Variants in ANHX observed in about 807,000 individuals in gnomAD.
ANHX encodes the protein anomalous homeobox protein.
ANHX carries 20 observed loss-of-function variants against 38.9 expected under a neutral mutation model. That is an observed-to-expected ratio of 0.51 (90% CI 0.36 to 0.75). The LOEUF (loss-of-function observed/expected upper bound fraction) is 0.75, where lower values mean the gene tolerates loss of function less well. Among genes scored for constraint, ANHX ranks in the 30% least tolerant of loss-of-function variants. The probability of loss-of-function intolerance (pLI) is 0.00; values close to 1 mark genes in which losing one functional copy is unlikely to be tolerated. For synonymous variants in ANHX, 185 were observed against 203.1 expected, an observed-to-expected ratio of 0.91 and a Z score of 0.76; for missense variants, 475 against 493.1, an observed-to-expected ratio of 0.96 and a Z score of 0.35.
At chr12:133,225,442 T>C (rs1186011294) in intron 7 of ANHX, among the ~76,000 whole-genome samples, 94 bp downstream of exon 7, 7 of 152,242 alleles carry the variant, frequency 4.6e-5, no homozygotes, top group Non-Finnish European at 1.0e-4. Flanking sequence ...GTTCAAGCCG[T>C]GTGGCCCTAC....
In ANHX at chr12:133,218,876, G is replaced by A. The variant is rs1957070311; in HGVS notation, c.*9C>T. On this transcript the variant is annotated 3_prime_UTR_variant, in exon 10 of 10. Coordinates refer to ENST00000545940, the MANE Select transcript of ANHX (RefSeq NM_001372060.1). ...CCTCCTGGGGTGCTGTCTGGCTCCTGGGGATAGCTCAGCCCAGGCTGCTCC... is the reference window on the plus strand; with the variant it reads ...CCTCCTGGGGTGCTGTCTGGCTCCTAGGGATAGCTCAGCCCAGGCTGCTCC... 2 of 1,500,112 alleles carry A rather than the reference G, an allele frequency of 1.3e-6. No individual in the cohort carries two copies. The highest frequency in any genetic ancestry group is 1.8e-6 in the Non-Finnish European group (2 of 1,124,326). 92.9% of individuals were successfully genotyped at this position (1,500,112 alleles called of 1,614,324 possible).
At chr12:133,225,310 T>TACACAC (rs555238401) in intron 7 of ANHX, among the ~76,000 whole-genome samples, 49 of 143,902 alleles carry the variant, frequency 3.4e-4, no homozygotes, top group African/African-American at 5.3e-4. Flanking sequence ...GTGATATGCA[T>TACACAC]ACATACACAC....
Position 133,221,401 on chromosome 12 carries a change from G to A in ANHX, c.1133-49C>T. On this transcript the variant is annotated intron_variant, in intron 7 of 9. Transcript: ENST00000545940. This position sits in a 1 kb window ranked among gnomAD's most constrained non-coding sequence, Gnocchi z 4.1. ...CACACTGGCAGGAGAAAGGAGCAGA[G>A]CCCACGTGTGACACAACCAAGACCT... The A allele has an allele frequency of 1.3e-6, 2 of 1,501,694 alleles. No homozygotes were observed. The highest frequency in any genetic ancestry group is 2.1e-5 in the Admixed American group (1 of 48,090). The allele number at this position is 1,501,694 out of a possible 1,614,324, so 93.0% of individuals were successfully genotyped here.
intron 3 of ANHX, among the ~76,000 whole-genome samples, chr12:133,228,296 G>A (rs949528561): frequency 2.6e-5 from 4 of 151,984 alleles, no homozygotes; most frequent in African/African-American, 4.8e-5. Flanking sequence ...AGCCTTCCTC[G>A]TACTCACACA....
intron 3 of ANHX, among the ~76,000 whole-genome samples, chr12:133,228,421 T>C (rs886107898): frequency 2.6e-5 from 4 of 152,160 alleles, no homozygotes; most frequent in Non-Finnish European, 5.9e-5. Context: ...GTGCTTTCTG[T>C]TCATCGCTGG....
chr12:133,235,001 T>C (rs946938488), intron 1 of ANHX: 1 of 152,534 alleles, frequency 6.6e-6, no homozygotes, highest in African/African-American at 2.4e-5. Context: ...CAAACTGCTT[T>C]CCAAAAGGTT....
At chr12:133,229,962 C>T (rs1957245370) in intron 3 of ANHX, among the ~76,000 whole-genome samples, 2 of 152,220 alleles carry the variant, frequency 1.3e-5, no homozygotes, top group African/African-American at 4.8e-5. Context: ...GAAACTTCTG[C>T]TCACATGGCT....
intron 8 of ANHX, among the ~76,000 whole-genome samples, 198 bp from the exon 9 acceptor site, chr12:133,219,565 C>T (rs763180521): frequency 7.2e-5 from 11 of 152,026 alleles, no homozygotes; most frequent in Non-Finnish European, 1.5e-4. Flanking sequence ...CAGGGTCACC[C>T]GGTGGGTCAT....
chr12:133,224,253 G>A (rs1408754434), intron 7 of ANHX, among the ~76,000 whole-genome samples: 1 of 151,256 alleles, frequency 6.6e-6, no homozygotes, highest in African/African-American at 2.5e-5. Flanking sequence ...GCTGGAAGAT[G>A]TTAAAAATGT....
chr12:133,229,896 C>A (rs189571133), intron 3 of ANHX, among the ~76,000 whole-genome samples: 62 of 152,242 alleles, frequency 4.1e-4, no homozygotes, highest in African/African-American at 1.4e-3. Flanking sequence ...TTCCCATCTG[C>A]CCCTGAACAC....
chr12:133,227,026 G>T lies in ANHX; in HGVS notation c.628C>A (p.Pro210Thr). ...KPAQQATAED[P>T]GARERGPDLL... ...TCAGGACCCCTCTCCCTCGCACCAG[G>T]GTCTTCAGCTGTGGCCTGCTGGGCT... The change falls in exon 5 of 10, where the codon CCT (proline) becomes ACT (threonine). Residue 210 changes from proline (P) to threonine (T), a missense_variant. Pro to Thr is a conservative substitution (Grantham distance 38). Coordinates refer to ENST00000545940, the MANE Select transcript of ANHX (RefSeq NM_001372060.1). 1 of 1,535,906 alleles carries T rather than the reference G, an allele frequency of 6.5e-7. No individual in the cohort carries two copies. The highest frequency in any genetic ancestry group is 8.7e-7 in the Non-Finnish European group (1 of 1,146,780).
At position 133,218,766 on chromosome 12, in the gene ANHX, G is replaced by C. The variant is rs1593950488; in HGVS notation, c.*119C>G. 1 of 660,568 alleles carries C rather than the reference G, an allele frequency of 1.5e-6. No individual in the cohort carries two copies. The highest frequency in any genetic ancestry group is 3.2e-5 in the East Asian group (1 of 31,716). The allele number at this position is 660,568 out of a possible 1,614,324, so 40.9% of individuals were successfully genotyped here. A position where few individuals can be genotyped will look rare whatever the true frequency, so the allele number is the denominator to read the frequency against. On this transcript the variant is annotated 3_prime_UTR_variant, in exon 10 of 10. Transcript: ENST00000545940. ...TCTCTGCTTTTCAGCAGAGCCCCCA[G>C]GGGAACTCTGGGGACCTTCATTTTG...
At chr12:133,232,114 T>C (rs143358888) in intron 2 of ANHX, among the ~76,000 whole-genome samples, 138 of 152,280 alleles carry the variant, frequency 9.1e-4, no homozygotes, top group African/African-American at 3.2e-3. Context: ...TGATGTCTGA[T>C]TCAAGTCTTA....
Position 133,221,183 on chromosome 12 carries a change from C to A in ANHX, c.1280+22G>T. Reference sequence around the variant, plus strand: ...TGGCCTGTGGAAAGGACTGTCCAGGCCTGTGGCTCTTCAGGGCTTACCTCT... The same window carrying A: ...TGGCCTGTGGAAAGGACTGTCCAGGACTGTGGCTCTTCAGGGCTTACCTCT... On this transcript the variant is annotated intron_variant, in intron 8 of 9. Coordinates refer to ENST00000545940, the MANE Select transcript of ANHX (RefSeq NM_001372060.1). The surrounding 1 kb of genome is among the most constrained non-coding windows in gnomAD (Gnocchi z 4.1). 2 of 1,535,650 alleles carry A rather than the reference C, an allele frequency of 1.3e-6. No individual in the cohort carries two copies. The highest frequency in any genetic ancestry group is 1.7e-6 in the Non-Finnish European group (2 of 1,146,672).
chr12:133,231,438 G>T, intron 3 of ANHX, 79 bp downstream of exon 3: 1 of 1,512,718 alleles, frequency 6.6e-7, no homozygotes, highest in Non-Finnish European at 8.8e-7. Flanking sequence ...CTTTGCTTCA[G>T]CCCCTCTGGG....
At chr12:133,232,452 T>C (rs193059528) in intron 2 of ANHX, among the ~76,000 whole-genome samples, 2 of 152,270 alleles carry the variant, frequency 1.3e-5, no homozygotes, top group East Asian at 3.9e-4. Context: ...GGCCCAGTCT[T>C]GCTCGGCAGT....
In ANHX at chr12:133,221,933, T is replaced by G. The variant is rs536933333; in HGVS notation, c.1133-581A>C. On this transcript the variant is annotated intron_variant, in intron 7 of 9. Coordinates refer to ENST00000545940, the MANE Select transcript of ANHX (RefSeq NM_001372060.1). The surrounding 1 kb of genome is among the most constrained non-coding windows in gnomAD (Gnocchi z 4.1). ...GAGAGCTGTGGCCTGAAAAGGCAGG[T>G]TTTTTCCTGCCCTGAGTCTACTAGG... 6.6e-6 allele frequency among the ~76,000 whole-genome samples: 1 copy of G among 152,174 alleles called. No individual in the cohort carries two copies.
At chr12:133,229,043 C>T (rs557402515) in intron 3 of ANHX, among the ~76,000 whole-genome samples, 2 of 152,306 alleles carry the variant, frequency 1.3e-5, no homozygotes, top group East Asian at 3.9e-4. Context: ...CTCTGCACTG[C>T]TGGATTTCCT....
chr12:133,222,029 T>C (rs1957114540), intron 7 of ANHX, among the ~76,000 whole-genome samples: 1 of 152,132 alleles, frequency 6.6e-6, no homozygotes, highest in Admixed American at 6.5e-5. Flanking sequence ...GAGGCTCATG[T>C]GGTCCTCCTT....
Sources: gnomAD v4.1 joint callset for allele counts (sites outside exome capture counted in the v4.1 genomes callset) on GRCh38, gnomAD v4.1.1 for gene constraint, Gnocchi (gnomAD v3.1) non-coding constraint, MANE v1.5 for transcripts, NCBI Gene and HGNC (gene_info 2026-07-23, HGNC 2026-07-21) for gene names.